The following PLEKHA7 variants were observed in gnomAD, a reference collection of about 807,000 sequenced individuals.
PLEKHA7 encodes pleckstrin homology domain containing A7.
Under a neutral mutation model 170.0 loss-of-function variants are expected in PLEKHA7, and 104 were observed. The ratio of observed to expected loss-of-function variants is 0.61; its 90% CI spans 0.52 to 0.72. PLEKHA7 has a LOEUF of 0.72. Ranked by LOEUF, PLEKHA7 falls within the 30% of genes least tolerant of loss-of-function variation. PLEKHA7 has a pLI of 0.00. For missense variants in PLEKHA7, 1,615 were observed against 1,671.7 expected (o/e 0.97, Z 0.59); for synonymous variants, 648 against 660.8 (o/e 0.98, Z 0.30).
intron 3 of PLEKHA7, among the ~76,000 whole-genome samples, chr11:16,930,710 C>A (rs1353050034): frequency 1.3e-5 from 2 of 152,060 alleles, no homozygotes; most frequent in African/African-American, 2.4e-5. Context: ...AAACATGAGG[C>A]CTTTATTTAG....
intron 3 of PLEKHA7, among the ~76,000 whole-genome samples, chr11:16,990,273 C>CAAAAAAAAAAAAAA (rs550741646): frequency 3.2e-5 from 2 of 62,700 alleles, no homozygotes; most frequent in East Asian, 1.3e-3. Flanking sequence ...GACCCTGTCT[C>CAAAAAAAAAAAAAA]AAAAAAAAAA....
At chr11:16,814,570 T>C (rs934272262) in intron 12 of PLEKHA7, among the ~76,000 whole-genome samples, 1 of 152,210 alleles carries the variant, frequency 6.6e-6, no homozygotes, top group Non-Finnish European at 1.5e-5. Flanking sequence ...CCCAACGTTC[T>C]TGCAACAGTT....
intron 24 of PLEKHA7, among the ~76,000 whole-genome samples, chr11:16,785,907 C>G (rs532244236): frequency 2.0e-4 from 31 of 152,316 alleles, no homozygotes; most frequent in African/African-American, 7.5e-4. Flanking sequence ...CACGTGCCTA[C>G]TATGTGGCTT....
chr11:16,852,248 A>G (rs1377454706), intron 7 of PLEKHA7, 35 bp downstream of exon 7: 5 of 1,597,526 alleles, frequency 3.1e-6, no homozygotes, highest in Non-Finnish European at 2.6e-6. Flanking sequence ...AAAACTGAAC[A>G]CTTCGGCAGG....
At chr11:16,852,979 TC>T (rs1422121850) in intron 6 of PLEKHA7, among the ~76,000 whole-genome samples, 1 of 152,236 alleles carries the variant, frequency 6.6e-6, no homozygotes, top group Non-Finnish European at 1.5e-5. Context: ...TGAATATTTT[TC>T]AAAAACATGG....
At chr11:16,856,573 G>T (rs1385249702) in intron 4 of PLEKHA7, among the ~76,000 whole-genome samples, 1 of 152,116 alleles carries the variant, frequency 6.6e-6, no homozygotes, top group East Asian at 1.9e-4. Context: ...AGAATATCTG[G>T]GCTTCCCCAT....
chr11:16,979,538 G>A (rs1009300058), intron 3 of PLEKHA7, among the ~76,000 whole-genome samples: 8 of 152,106 alleles, frequency 5.3e-5, no homozygotes, highest in African/African-American at 1.9e-4. Context: ...CCCAATAATA[G>A]GGGAACTGAG....
At chr11:16,925,496 C>A (rs991793711) in intron 3 of PLEKHA7, among the ~76,000 whole-genome samples, 1 of 152,180 alleles carries the variant, frequency 6.6e-6, no homozygotes, top group Non-Finnish European at 1.5e-5. Context: ...AACCCGCAGA[C>A]CCCCCGAAAG....
intron 3 of PLEKHA7, among the ~76,000 whole-genome samples, chr11:16,887,718 T>A (rs551548279): frequency 6.6e-6 from 1 of 152,270 alleles, no homozygotes; most frequent in African/African-American, 2.4e-5. Context: ...CAGGCTGGAG[T>A]GCAGTGGCAT....
intron 3 of PLEKHA7, among the ~76,000 whole-genome samples, chr11:16,985,014 C>A (rs561431170): frequency 5.4e-4 from 83 of 152,318 alleles, no homozygotes; most frequent in African/African-American, 1.9e-3. Flanking sequence ...CTTCTTTCAT[C>A]AAAAGGAAGG....
intron 3 of PLEKHA7, among the ~76,000 whole-genome samples, chr11:16,961,090 C>T (rs904500135): frequency 4.6e-5 from 7 of 152,224 alleles, no homozygotes; most frequent in Non-Finnish European, 1.0e-4. Flanking sequence ...TTCTCTGAAA[C>T]ATTCCTCCTC....
chr11:16,837,556 G>A (rs915600042), intron 9 of PLEKHA7, among the ~76,000 whole-genome samples: 2 of 152,068 alleles, frequency 1.3e-5, no homozygotes, highest in African/African-American at 4.8e-5. Context: ...TGGAAGGCGG[G>A]GCACAAATCC....
intron 3 of PLEKHA7, among the ~76,000 whole-genome samples, chr11:16,926,117 G>A (rs1247050736): frequency 6.6e-6 from 1 of 152,208 alleles, no homozygotes; most frequent in Non-Finnish European, 1.5e-5. Flanking sequence ...ATGATTCAAG[G>A]AGTCTTCTAA....
intron 3 of PLEKHA7, among the ~76,000 whole-genome samples, chr11:16,943,850 T>C (rs1411986353): frequency 6.6e-6 from 1 of 152,150 alleles, no homozygotes; most frequent in African/African-American, 2.4e-5. Context: ...AGTCCCAGGA[T>C]CTGTCCTTGG....
Position 16,906,455 on chromosome 11 carries a change from C to T in PLEKHA7, c.222-35273G>A, listed in dbSNP as rs1318520838. ...CCTGCCTCAGCCTGCCGAGTGCCTG[C>T]GATTGCAGGCACGCGCCGCCATGCC... On this transcript the variant is annotated intron_variant, in intron 3 of 26. Transcript: ENST00000531066. 2.1e-5 allele frequency among the ~76,000 whole-genome samples: 3 copies of T among 142,182 alleles called. 1 individual carries two copies. Among genetic ancestry groups the T allele is most frequent in the African/African-American group, 8.6e-5 (3 of 34,928 alleles). 93.3% of individuals were successfully genotyped at this position (142,182 alleles called of 152,430 possible).
Position 16,778,590 on chromosome 11 carries a change from T to G in PLEKHA7, c.*408A>C. The G allele has an allele frequency of 4.0e-6, 1 of 252,588 alleles. No individual in the cohort carries two copies. Among genetic ancestry groups the G allele is most frequent in the Non-Finnish European group, 8.0e-6 (1 of 125,432 alleles). 15.6% of individuals were successfully genotyped at this position (252,588 alleles called of 1,614,324 possible). The stretch of plus-strand genomic sequence containing the variant: ...CACTTTCTCCTGAGGTCATTGGAAG[T>G]TGGACTAGCCTCGGCTTGCCCCGCC... On this transcript the variant is annotated 3_prime_UTR_variant, in exon 27 of 27. Coordinates refer to ENST00000531066, the MANE Select transcript of PLEKHA7 (RefSeq NM_001329630.2).
intron 3 of PLEKHA7, among the ~76,000 whole-genome samples, chr11:16,889,970 C>T (rs747848611): frequency 3.9e-5 from 6 of 152,046 alleles, no homozygotes; most frequent in Non-Finnish European, 7.4e-5. Context: ...AGAAACCTTA[C>T]AAACCAGAAA....
At chr11:16,855,630 G>C in intron 5 of PLEKHA7, 173 bp downstream of exon 5, 1 of 609,896 alleles carries the variant, frequency 1.6e-6, no homozygotes, top group African/African-American at 1.8e-5. Context: ...TGTTCTGCTG[G>C]ACAAGGGACA....
intron 3 of PLEKHA7, among the ~76,000 whole-genome samples, chr11:16,901,867 T>C (rs1357076800): frequency 6.6e-6 from 1 of 152,156 alleles, no homozygotes; most frequent in East Asian, 1.9e-4. Flanking sequence ...AGACCTTGTC[T>C]CAAAATATAA....
Sources: allele counts gnomAD v4.1 joint callset (sites outside exome capture counted in the v4.1 genomes callset), GRCh38; gene constraint gnomAD v4.1.1; transcripts MANE v1.5; gene names NCBI Gene and HGNC (gene_info 2026-07-23, HGNC 2026-07-21).